ABCA13: variants seen among roughly 807,000 people sequenced by gnomAD.
The protein encoded by ABCA13 is ATP-binding cassette sub-family A member 13.
A neutral mutation model predicts 478.7 loss-of-function variants in ABCA13; 476 were observed. That is an observed-to-expected ratio of 0.99 (90% CI 0.92 to 1.07). The LOEUF (loss-of-function observed/expected upper bound fraction) is 1.07. Among genes scored for constraint, ABCA13 ranks in the 50% least tolerant of loss-of-function variants. The probability of loss-of-function intolerance (pLI) is 0.00; values close to 1 mark genes in which losing one functional copy is unlikely to be tolerated. For missense variants in ABCA13, 6,060 were observed against 5,910.6 expected, an observed-to-expected ratio of 1.03 and a Z score of -0.83; for synonymous variants, 2,252 against 2,158.9, an observed-to-expected ratio of 1.04 and a Z score of -1.20.
At chr7:48,221,494 T>C (rs1787357070) in intron 5 of ABCA13, among the ~76,000 whole-genome samples, 185 bp downstream of exon 5, 1 of 152,246 alleles carries the variant, frequency 6.6e-6, no homozygotes. Context: ...GTTTGAATTT[T>C]CTGAAGCAAG....
chr7:48,271,983 C>A lies in ABCA13; in HGVS notation c.2317C>A (p.Leu773Met), dbSNP rs768533305. 1.2e-6 allele frequency: 2 copies of A among 1,613,618 alleles called. No homozygotes were observed. Among genetic ancestry groups the A allele is most frequent in the East Asian group, 4.5e-5 (2 of 44,860 alleles). The change falls in exon 17 of 62, where the codon CTG (leucine) becomes ATG (methionine). Residue 773 changes from leucine (L) to methionine (M), a missense_variant. Physicochemically the swap from Leu to Met is conservative, Grantham distance 15. Coordinates refer to ENST00000435803, the MANE Select transcript of ABCA13 (RefSeq NM_152701.5). ...AGAGGATATTCTGAATATAAGTTCTCTGTGGACAAATCATTTAAAAAGTTT... is the reference window on the plus strand; with the variant it reads ...AGAGGATATTCTGAATATAAGTTCTATGTGGACAAATCATTTAAAAAGTTT... ...LTEDILNISSLWTNHLKSLKR... is the reference protein window; with the variant it reads ...LTEDILNISSMWTNHLKSLKR...
intron 39 of ABCA13, among the ~76,000 whole-genome samples, chr7:48,410,010 C>T (rs1466443982): frequency 1.4e-5 from 2 of 146,816 alleles, no homozygotes; most frequent in Non-Finnish European, 3.0e-5. Flanking sequence ...GGGAGAATCG[C>T]TTGAACCCGG....
chr7:48,218,230 G>T lies in ABCA13; in HGVS notation c.288-1124G>T, dbSNP rs79282768. On this transcript the variant is annotated intron_variant, in intron 3 of 61. Coordinates refer to ENST00000435803, the MANE Select transcript of ABCA13 (RefSeq NM_152701.5). ...ATAATCTGATAATTCTATGGTTTCC[G>T]AGGCGAATCTCATGTATGGGTGAGG... is the stretch of plus-strand genomic sequence containing the variant. Among the ~76,000 whole-genome samples the T allele has an allele frequency of 5.1e-3, 776 of 152,234 alleles. 3 individuals are homozygous for T. Among genetic ancestry groups the T allele is most frequent in the African/African-American group, 0.018 (734 of 41,538 alleles).
chr7:48,297,282 CT>C lies in ABCA13; in HGVS notation c.9174del (p.Leu3059SerfsTer6), dbSNP rs1162162844. ...ETWSSGNPIM[T>X]FLSNFTVTED... is the part of the protein sequence containing the mutation. ...TGGTCATCAGGGAATCCCATCATGA[CT>C]TTTCTCAGCAATTTCACAGTAACTG... On this transcript the variant is annotated frameshift_variant, in exon 22 of 62. Transcript: ENST00000435803. LOFTEE classifies it high-confidence loss of function. 3.1e-6 allele frequency: 5 copies of C among 1,609,382 alleles called. No homozygotes were observed. In the East Asian group the frequency reaches 1.1e-4, roughly 36 times the overall value.
chr7:48,307,705 G>A (rs573583582), intron 23 of ABCA13, among the ~76,000 whole-genome samples: 20 of 151,902 alleles, frequency 1.3e-4, no homozygotes, highest in Non-Finnish European at 2.9e-4. Context: ...TTTTAAGACA[G>A]AGTCTTGCTC....
chr7:48,440,607 A>G (rs931679389), intron 42 of ABCA13, among the ~76,000 whole-genome samples: 1 of 152,078 alleles, frequency 6.6e-6, no homozygotes, highest in African/African-American at 2.4e-5. Flanking sequence ...TAACTTTTAT[A>G]TGTAAGATCG....
chr7:48,348,637 G>A (rs1005300822), intron 29 of ABCA13, among the ~76,000 whole-genome samples: 79 of 152,260 alleles, frequency 5.2e-4, no homozygotes, highest in African/African-American at 1.9e-3. Context: ...GAGCTCTGAT[G>A]GCAATAGTTA....
chr7:48,437,265 A>AAC (rs2129155971), intron 42 of ABCA13, among the ~76,000 whole-genome samples: 1 of 152,132 alleles, frequency 6.6e-6, no homozygotes, highest in South Asian at 2.1e-4. Context: ...TTAAAGGGTC[A>AAC]ACATAATGTT....
intron 37 of ABCA13, 149 bp downstream of exon 37, chr7:48,389,369 C>A: frequency 3.4e-6 from 3 of 892,012 alleles, no homozygotes; most frequent in Non-Finnish European, 5.0e-6. Flanking sequence ...AAGGCAGAGC[C>A]CCTCATGAGT....
At chr7:48,462,525 G>A (rs1826374426) in intron 43 of ABCA13, among the ~76,000 whole-genome samples, 1 of 151,384 alleles carries the variant, frequency 6.6e-6, no homozygotes, top group South Asian at 2.1e-4. Flanking sequence ...GGGGGGTGGG[G>A]GAGTACAGGG....
chr7:48,431,082 G>A (rs1351643326), intron 42 of ABCA13, among the ~76,000 whole-genome samples: 1 of 151,524 alleles, frequency 6.6e-6, no homozygotes, highest in Non-Finnish European at 1.5e-5. Flanking sequence ...CTTCTCTTTT[G>A]ATTTCTTTCA....
At chr7:48,536,640 T>A (rs570679807) in intron 55 of ABCA13, among the ~76,000 whole-genome samples, 1 of 148,950 alleles carries the variant, frequency 6.7e-6, no homozygotes, top group African/African-American at 2.5e-5. Context: ...AGAGTGAGAC[T>A]CCATCTCAAA....
intron 35 of ABCA13, among the ~76,000 whole-genome samples, chr7:48,377,189 T>C (rs1278001752): frequency 7.4e-6 from 1 of 135,256 alleles, no homozygotes; most frequent in African/African-American, 2.8e-5. Flanking sequence ...AGTATATCAA[T>C]GGCCAAAAAA....
Position 48,249,233 on chromosome 7 carries a change from A to AC in ABCA13, c.1887_1888insC (p.Thr630HisfsTer43). The AC allele has an allele frequency of 6.2e-7, 1 of 1,612,114 alleles. No homozygotes were observed. Among genetic ancestry groups the AC allele is most frequent in the Non-Finnish European group, 8.5e-7 (1 of 1,178,990 alleles). On this transcript the variant is annotated frameshift_variant, in exon 15 of 62. Transcript: ENST00000435803. LOFTEE classifies it high-confidence loss of function. The stretch of plus-strand genomic sequence containing the variant: ...GCAGGATATTTCATACACTTGAAAA[A>AC]ACACAATTTTTCCTGGAACAAGCAT...
intron 42 of ABCA13, among the ~76,000 whole-genome samples, chr7:48,429,799 C>G (rs1821894767): frequency 6.6e-6 from 1 of 152,146 alleles, no homozygotes; most frequent in Non-Finnish European, 1.5e-5. Flanking sequence ...AATGCTTTCT[C>G]TGCATCTATT....
chr7:48,626,011 A>T (rs1270686042), intron 59 of ABCA13, among the ~76,000 whole-genome samples: 1 of 152,208 alleles, frequency 6.6e-6, no homozygotes, highest in Non-Finnish European at 1.5e-5. Context: ...AAACATAACA[A>T]TGAATACAAC....
intron 31 of ABCA13, among the ~76,000 whole-genome samples, chr7:48,358,060 T>C (rs1328950059): frequency 6.6e-6 from 1 of 151,098 alleles, no homozygotes; most frequent in Non-Finnish European, 1.5e-5. Context: ...GAGAATTGCT[T>C]GAACCCAGGA....
chr7:48,630,191 A>G (rs188551111), intron 59 of ABCA13, among the ~76,000 whole-genome samples: 130 of 152,230 alleles, frequency 8.5e-4, no homozygotes, highest in African/African-American at 3.0e-3. Context: ...TTAGGGGTAT[A>G]GGTGTGGATT....
At chr7:48,397,852 G>T (rs1244813823) in intron 38 of ABCA13, among the ~76,000 whole-genome samples, 5 of 152,194 alleles carry the variant, frequency 3.3e-5, no homozygotes, top group Admixed American at 6.5e-5. Context: ...GAAGTCCATT[G>T]TTAAAGTGAT....
Sources: gnomAD v4.1 joint callset for allele counts (sites outside exome capture counted in the v4.1 genomes callset) on GRCh38, gnomAD v4.1.1 for gene constraint, MANE v1.5 for transcripts, NCBI Gene and HGNC (gene_info 2026-07-23, HGNC 2026-07-21) for gene names.